The following ADARB1 variants were observed in gnomAD, a reference collection of about 807,000 sequenced individuals.
The protein encoded by ADARB1 is adenosine deaminase RNA specific B1.
Under a neutral mutation model 52.4 loss-of-function variants are expected in ADARB1, and 10 were observed. That is an observed-to-expected ratio of 0.19 (90% CI 0.12 to 0.32). The LOEUF is 0.32. Among genes scored for constraint, ADARB1 ranks in the 10% least tolerant of loss-of-function variants. The probability of loss-of-function intolerance (pLI) is 1.00; values close to 1 mark genes in which losing one functional copy is unlikely to be tolerated. For missense variants in ADARB1, 643 were observed against 922.3 expected (o/e 0.70, Z 3.92); for synonymous variants, 349 against 371.1 (o/e 0.94, Z 0.68).
At position 45,074,749 on chromosome 21, in the gene ADARB1, G is replaced by GGGGCGCGCGTGCGGAGGACC. The variant is rs2085842459; in HGVS notation, c.-263_-244dup. 6.8e-6 allele frequency: 1 copy of GGGGCGCGCGTGCGGAGGACC among 146,780 alleles called. No individual in the cohort carries two copies. The highest frequency in any genetic ancestry group is 6.8e-5 in the Admixed American group (1 of 14,752). 9.1% of individuals were successfully genotyped at this position (146,780 alleles called of 1,614,324 possible). On this transcript the variant is annotated 5_prime_UTR_variant, in exon 1 of 11. Coordinates refer to ENST00000348831, the MANE Select transcript of ADARB1 (RefSeq NM_001112.4). ...CGGCGCGAGACTGCGGCCGAAGCGT[G>GGGGCGCGCGTGCGGAGGACC]GGGCGCGCGTGCGGAGGACCAGGCG...
At chr21:45,159,342 C>T (rs905796030) in intron 2 of ADARB1, among the ~76,000 whole-genome samples, 3 of 152,158 alleles carry the variant, frequency 2.0e-5, no homozygotes, top group Non-Finnish European at 2.9e-5. Context: ...GAAACTGCAC[C>T]TGTGATTCAA....
intron 2 of ADARB1, among the ~76,000 whole-genome samples, chr21:45,149,879 TA>T (rs1205164934): frequency 6.6e-6 from 1 of 152,230 alleles, no homozygotes; most frequent in East Asian, 1.9e-4. Flanking sequence ...AAAGAGTTGT[TA>T]AAAAATAAAA....
chr21:45,216,757 T>C (rs1428642388), intron 9 of ADARB1, among the ~76,000 whole-genome samples: 1 of 152,054 alleles, frequency 6.6e-6, no homozygotes, highest in Non-Finnish European at 1.5e-5. Context: ...TTTATATTCT[T>C]ACCGATCTTC....
At chr21:45,109,634 A>G (rs1213674602) in intron 1 of ADARB1, among the ~76,000 whole-genome samples, 4 of 152,190 alleles carry the variant, frequency 2.6e-5, no homozygotes, top group Non-Finnish European at 2.9e-5. Context: ...TCCTCCTGGC[A>G]TGTAGAAGGC....
At position 45,134,420 on chromosome 21, in the gene ADARB1, C is replaced by T. The variant is rs138324836; in HGVS notation, c.-48+5847C>T. Reference sequence around the variant, plus strand: ...TGTGTGTGCCCGACAGTGGTGTGTGCGCCCGACGGGTGTGTGCGCCTGACA... The same window carrying T: ...TGTGTGTGCCCGACAGTGGTGTGTGTGCCCGACGGGTGTGTGCGCCTGACA... On this transcript the variant is annotated intron_variant, in intron 2 of 10. Transcript: ENST00000348831. Among the ~76,000 whole-genome samples, 912 of 149,970 alleles carry T rather than the reference C, an allele frequency of 6.1e-3. 7 individuals carry two copies. Among genetic ancestry groups the T allele is most frequent in the African/African-American group, 0.021 (864 of 40,654 alleles).
chr21:45,161,773 G>A (rs906464926), intron 2 of ADARB1, among the ~76,000 whole-genome samples: 1 of 152,136 alleles, frequency 6.6e-6, no homozygotes, highest in Non-Finnish European at 1.5e-5. Flanking sequence ...GAGAACTTAC[G>A]GTGCTTTTCC....
chr21:45,173,799 A>T (rs2091581188), intron 3 of ADARB1, among the ~76,000 whole-genome samples: 1 of 151,886 alleles, frequency 6.6e-6, no homozygotes, highest in Non-Finnish European at 1.5e-5. Context: ...GATGTTATAA[A>T]TGAAAATTTA....
intron 1 of ADARB1, among the ~76,000 whole-genome samples, chr21:45,082,287 T>C (rs777360425): frequency 1.5e-4 from 23 of 152,254 alleles, no homozygotes; most frequent in Non-Finnish European, 5.9e-5. Flanking sequence ...ATAACTTAAA[T>C]ATATTGTCAG....
Position 45,074,598 on chromosome 21 carries a change from T to TGGAGGCGGCGGC in ADARB1, c.-413_-412insAGGCGGCGGCGG, listed in dbSNP as rs2085829076. On this transcript the variant is annotated 5_prime_UTR_variant, in exon 1 of 11. Transcript: ENST00000348831. The stretch of plus-strand genomic sequence containing the variant: ...CGGGGCTGAGGCGCTGAGGCGGCCG[T>TGGAGGCGGCGGC]GGCGGCGGCGGCGGCGGCGGCGGCA... 6.9e-6 allele frequency: 1 copy of TGGAGGCGGCGGC among 145,044 alleles called. No individual in the cohort carries two copies. The highest frequency in any genetic ancestry group is 7.0e-5 in the Admixed American group (1 of 14,238). The allele number at this position is 145,044 out of a possible 1,614,324, so 9.0% of individuals were successfully genotyped here.
chr21:45,075,645 G>C (rs983911500), intron 1 of ADARB1, among the ~76,000 whole-genome samples: 1 of 152,236 alleles, frequency 6.6e-6, no homozygotes. Flanking sequence ...ATGGGTGCGA[G>C]GGAAGGTGTC....
At position 45,157,887 on chromosome 21, in the gene ADARB1, AAAG is replaced by A. The variant is rs1437338481; in HGVS notation, c.-47-13720_-47-13718del. On this transcript the variant is annotated intron_variant, in intron 2 of 10. Coordinates refer to ENST00000348831, the MANE Select transcript of ADARB1 (RefSeq NM_001112.4). This position sits in a 1 kb window ranked among gnomAD's most constrained non-coding sequence, Gnocchi z 4.1. ...TCTAGTCCAGCAATAGAAAGGTGAG[AAAG>A]AATACAGAGAAGCACGCAGGAAGCT... is the stretch of plus-strand genomic sequence containing the variant. Among the ~76,000 whole-genome samples, 2 of 152,174 alleles carry A rather than the reference AAAG, an allele frequency of 1.3e-5. No individual in the cohort carries two copies. Among genetic ancestry groups the A allele is most frequent in the African/African-American group, 4.8e-5 (2 of 41,438 alleles).
chr21:45,103,904 A>G (rs1184960581), intron 1 of ADARB1, among the ~76,000 whole-genome samples: 1 of 152,124 alleles, frequency 6.6e-6, no homozygotes, highest in African/African-American at 2.4e-5. Flanking sequence ...ACTTTTGTGT[A>G]AGTGGTTCCA....
intron 4 of ADARB1, chr21:45,177,558 C>T (rs1316761545): frequency 6.6e-6 from 1 of 152,206 alleles, no homozygotes; most frequent in African/African-American, 2.4e-5. Flanking sequence ...CTTGGAAATC[C>T]AAAGTTCTTC....
Position 45,157,902 on chromosome 21 carries a change from G to A in ADARB1, c.-47-13708G>A, listed in dbSNP as rs1186940833. 6.6e-6 allele frequency among the ~76,000 whole-genome samples: 1 copy of A among 152,210 alleles called. No individual in the cohort carries two copies. The highest frequency in any genetic ancestry group is 2.4e-5 in the African/African-American group (1 of 41,442). On this transcript the variant is annotated intron_variant, in intron 2 of 10. Coordinates refer to ENST00000348831, the MANE Select transcript of ADARB1 (RefSeq NM_001112.4). This position sits in a 1 kb window ranked among gnomAD's most constrained non-coding sequence, Gnocchi z 4.1. Reference sequence around the variant, plus strand: ...GAAAGGTGAGAAAGAATACAGAGAAGCACGCAGGAAGCTGTGTGAGTTGGC... The same window carrying A: ...GAAAGGTGAGAAAGAATACAGAGAAACACGCAGGAAGCTGTGTGAGTTGGC...
chr21:45,106,641 A>G (rs759782874), intron 1 of ADARB1, among the ~76,000 whole-genome samples: 11 of 152,236 alleles, frequency 7.2e-5, no homozygotes, highest in Non-Finnish European at 1.6e-4. Flanking sequence ...TTTTAGTGCT[A>G]TCTATGATAG....
At chr21:45,134,689 A>T (rs2089258835) in intron 2 of ADARB1, 8 of 407,712 alleles carry the variant, frequency 2.0e-5, no homozygotes, top group South Asian at 1.4e-4. Flanking sequence ...ACTTGCACAG[A>T]TTTTTTTTTT....
Position 45,224,776 on chromosome 21 carries a change from C to T in ADARB1, c.*2579C>T. ...GACGTGCAGGGGACCAGAGGCTCTG[C>T]ACTGCTCCTAGGACAGCTCATCTGT... On this transcript the variant is annotated 3_prime_UTR_variant, in exon 11 of 11. Coordinates refer to ENST00000348831, the MANE Select transcript of ADARB1 (RefSeq NM_001112.4). 2.0e-6 allele frequency: 2 copies of T among 982,782 alleles called. No individual in the cohort carries two copies. Among genetic ancestry groups the T allele is most frequent in the Non-Finnish European group, 2.4e-6 (2 of 829,568 alleles). 60.9% of individuals were successfully genotyped at this position (982,782 alleles called of 1,614,324 possible). A position where few individuals can be genotyped will look rare whatever the true frequency, so the allele number is the denominator to read the frequency against.
At chr21:45,131,589 G>C (rs1321718255) in intron 2 of ADARB1, among the ~76,000 whole-genome samples, 2 of 152,172 alleles carry the variant, frequency 1.3e-5, no homozygotes, top group African/African-American at 4.8e-5. Flanking sequence ...TTCTCATGTT[G>C]CTACCTGTTG....
chr21:45,202,935 G>A (rs898030336), intron 8 of ADARB1, among the ~76,000 whole-genome samples: 9 of 148,286 alleles, frequency 6.1e-5, no homozygotes, highest in African/African-American at 1.0e-4. Context: ...CCTGCAGCGC[G>A]TGCCACACTG....
Sources: gnomAD v4.1 joint callset for allele counts (sites outside exome capture counted in the v4.1 genomes callset) on GRCh38, gnomAD v4.1.1 for gene constraint, Gnocchi (gnomAD v3.1) non-coding constraint, MANE v1.5 for transcripts, NCBI Gene and HGNC (gene_info 2026-07-23, HGNC 2026-07-21) for gene names.